GPC6: variants seen among roughly 807,000 people sequenced by gnomAD.
GPC6 encodes the protein glypican-6.
In GPC6, 14 loss-of-function variants were observed where a neutral mutation model predicts 55.2. The ratio of observed to expected loss-of-function variants is 0.25; its 90% CI spans 0.17 to 0.40. The LOEUF (loss-of-function observed/expected upper bound fraction) is 0.40, where lower values mean the gene tolerates loss of function less well. Among genes scored for constraint, GPC6 ranks in the 10% least tolerant of loss-of-function variants. The pLI, the probability that GPC6 is intolerant of heterozygous loss-of-function variation, is 1.00. For synonymous variants in GPC6, 278 were observed against 259.6 expected, an observed-to-expected ratio of 1.07 and a Z score of -0.68; for missense variants, 641 against 708.5, an observed-to-expected ratio of 0.90 and a Z score of 1.08.
intron 1 of GPC6, among the ~76,000 whole-genome samples, chr13:93,542,998 T>C (rs890516772): frequency 6.6e-6 from 1 of 152,224 alleles, no homozygotes; most frequent in Non-Finnish European, 1.5e-5. Context: ...CCTCTTTTCC[T>C]AATTGAATAC....
At chr13:93,324,503 TATTACATGCTTGTATTAAAATATCTC>T (rs1447878253) in intron 1 of GPC6, among the ~76,000 whole-genome samples, 3 of 150,518 alleles carry the variant, frequency 2.0e-5, no homozygotes, top group Non-Finnish European at 3.0e-5. Context: ...GGTTATTATG[TATTACATGCTTGTATTAAAATATCTC>T]ATGTATGTAT....
At chr13:93,536,478 G>A (rs568699154) in intron 1 of GPC6, among the ~76,000 whole-genome samples, 1 of 152,080 alleles carries the variant, frequency 6.6e-6, no homozygotes, top group South Asian at 2.1e-4. Flanking sequence ...CATATAAGTG[G>A]AATCATGTTG....
intron 4 of GPC6, among the ~76,000 whole-genome samples, chr13:94,124,591 G>A (rs183502739): frequency 6.6e-5 from 10 of 152,004 alleles, no homozygotes; most frequent in African/African-American, 2.4e-4. Context: ...TTGGGAGGAG[G>A]TATAGAGTAA....
chr13:93,613,530 A>AAACAC (rs1878582772), intron 2 of GPC6, among the ~76,000 whole-genome samples: 13 of 139,912 alleles, frequency 9.3e-5, no homozygotes, highest in African/African-American at 3.5e-4. Flanking sequence ...ACACACACAA[A>AAACAC]ACACACACAC....
Position 93,433,699 on chromosome 13 carries a change from A to T in GPC6, c.161-111564A>T, listed in dbSNP as rs556643130. Among the ~76,000 whole-genome samples the T allele has an allele frequency of 7.2e-5, 11 of 152,262 alleles. No homozygotes were observed. The South Asian group carries it at 2.3e-3, about 32-fold the overall frequency. On this transcript the variant is annotated intron_variant, in intron 1 of 8. Transcript: ENST00000377047. ...AATAAAGTGAGAGAGAAAAAGAGGG[A>T]GACAGACAGAGTCAAGAGAGATTTT...
intron 4 of GPC6, among the ~76,000 whole-genome samples, chr13:94,195,097 T>C (rs924894088): frequency 4.6e-5 from 7 of 152,206 alleles, no homozygotes; most frequent in Non-Finnish European, 8.8e-5. Flanking sequence ...TTGTGACTGC[T>C]CTTCTATTTA....
At chr13:94,075,398 C>T (rs559209612) in intron 4 of GPC6, among the ~76,000 whole-genome samples, 3 of 150,948 alleles carry the variant, frequency 2.0e-5, no homozygotes, top group Admixed American at 2.0e-4. Flanking sequence ...TTCCTTGTGT[C>T]CCTTTGTGTT....
At chr13:93,624,330 A>T (rs1169240597) in intron 2 of GPC6, among the ~76,000 whole-genome samples, 2 of 152,204 alleles carry the variant, frequency 1.3e-5, no homozygotes, top group African/African-American at 2.4e-5. Context: ...GAATGAACAG[A>T]TTGCCTCATT....
chr13:93,934,357 A>G (rs886998093), intron 3 of GPC6, among the ~76,000 whole-genome samples: 4 of 152,232 alleles, frequency 2.6e-5, no homozygotes, highest in African/African-American at 7.2e-5. Flanking sequence ...ACATATTGAA[A>G]TGATAATATT....
intron 6 of GPC6, among the ~76,000 whole-genome samples, chr13:94,311,874 A>T (rs1273081124): frequency 1.3e-5 from 2 of 152,172 alleles, no homozygotes; most frequent in Non-Finnish European, 2.9e-5. Flanking sequence ...AGGGGAAAAC[A>T]TCATGGGTGG....
intron 4 of GPC6, among the ~76,000 whole-genome samples, chr13:94,206,908 G>C (rs544078830): frequency 6.6e-6 from 1 of 152,184 alleles, no homozygotes; most frequent in Admixed American, 6.5e-5. Context: ...TTTGCCTTTC[G>C]TATGCAAACC....
At chr13:93,463,000 A>C (rs145915362) in intron 1 of GPC6, among the ~76,000 whole-genome samples, 1 of 152,270 alleles carries the variant, frequency 6.6e-6, no homozygotes, top group Non-Finnish European at 1.5e-5. Context: ...TTTGTGTATG[A>C]ATCATTTTAT....
intron 3 of GPC6, among the ~76,000 whole-genome samples, chr13:93,972,372 A>C (rs2140395427): frequency 6.6e-6 from 1 of 152,282 alleles, no homozygotes; most frequent in Non-Finnish European, 1.5e-5. Context: ...GGGATTATTT[A>C]GTTTCTTTGG....
intron 1 of GPC6, among the ~76,000 whole-genome samples, chr13:93,411,189 A>G (rs1445881586): frequency 1.3e-5 from 2 of 152,172 alleles, no homozygotes; most frequent in African/African-American, 4.8e-5. Flanking sequence ...AGATTAATCC[A>G]TCTGCTAATA....
intron 3 of GPC6, among the ~76,000 whole-genome samples, chr13:93,919,037 A>G (rs1206553590): frequency 6.6e-6 from 1 of 152,154 alleles, no homozygotes; most frequent in Non-Finnish European, 1.5e-5. Context: ...ATGGCGTAGC[A>G]CCATCCCCTT....
intron 4 of GPC6, among the ~76,000 whole-genome samples, chr13:94,062,160 G>A (rs1306132593): frequency 6.6e-6 from 1 of 152,104 alleles, no homozygotes; most frequent in Non-Finnish European, 1.5e-5. Context: ...TTGTCCACTA[G>A]GAAACTTACA....
chr13:94,257,221 C>G (rs79475257), intron 4 of GPC6, among the ~76,000 whole-genome samples: 2,405 of 152,222 alleles, frequency 0.016, 59 homozygotes, highest in African/African-American at 0.053. Flanking sequence ...GACAAAAAAT[C>G]AACACATAAC....
At chr13:94,246,767 T>C (rs1891209090) in intron 4 of GPC6, among the ~76,000 whole-genome samples, 1 of 152,128 alleles carries the variant, frequency 6.6e-6, no homozygotes, top group Non-Finnish European at 1.5e-5. Flanking sequence ...TATAGCTTTG[T>C]AATATAATTT....
At chr13:93,594,932 C>T (rs1187474981) in intron 2 of GPC6, among the ~76,000 whole-genome samples, 1 of 151,796 alleles carries the variant, frequency 6.6e-6, no homozygotes, top group Non-Finnish European at 1.5e-5. Context: ...CTTCAAATAC[C>T]ATCACATTGG....
Sources: gnomAD v4.1 joint callset for allele counts (sites outside exome capture counted in the v4.1 genomes callset) on GRCh38, gnomAD v4.1.1 for gene constraint, MANE v1.5 for transcripts, NCBI Gene and HGNC (gene_info 2026-07-23, HGNC 2026-07-21) for gene names.